Variants in CDCA2 observed in about 807,000 individuals in gnomAD.
The protein encoded by CDCA2 is cell division cycle associated 2.
Under a neutral mutation model 67.0 loss-of-function variants are expected in CDCA2, and 44 were observed. The ratio of observed to expected loss-of-function variants is 0.66; its 90% CI spans 0.52 to 0.84. CDCA2 has a LOEUF of 0.84. CDCA2 is among the 40% of genes least tolerant of loss of function. The pLI is 0.00. For missense variants in CDCA2, 1,253 were observed against 1,203.2 expected (o/e 1.04, Z -0.61); for synonymous variants, 447 against 418.7 (o/e 1.07, Z -0.82).
intron 10 of CDCA2, among the ~76,000 whole-genome samples, chr8:25,485,436 G>A (rs1011839969): frequency 1.3e-5 from 2 of 151,922 alleles, no homozygotes; most frequent in African/African-American, 4.8e-5. Flanking sequence ...TTGTGTTTAT[G>A]AATGAATTTT....
Position 25,484,038 on chromosome 8 carries a change from A to C in CDCA2, c.1193A>C (p.Asp398Ala). 1.9e-6 allele frequency: 3 copies of C among 1,614,168 alleles called. No individual in the cohort carries two copies. The highest frequency in any genetic ancestry group is 2.5e-6 in the Non-Finnish European group (3 of 1,180,028). Reference protein sequence around the residue: ...RKRKRVTFGEDLSPEVFDESL... With the variant: ...RKRKRVTFGEALSPEVFDESL... ...AGGAAGAGAGTTACTTTTGGAGAGG[A>C]CTTAAGCCCGGAAGTGTTTGATGAA... Residue 398 changes from aspartate to alanine, a missense_variant, in exon 10 of 15, where the codon GAC (aspartate) becomes GCC (alanine). Physicochemically the swap from Asp to Ala is moderately radical, Grantham distance 126. Coordinates refer to ENST00000330560, the MANE Select transcript of CDCA2 (RefSeq NM_152562.4).
chr8:25,506,543 T>C lies in CDCA2; in HGVS notation c.1877T>C (p.Val626Ala). 2 of 1,587,856 alleles carry C rather than the reference T, an allele frequency of 1.3e-6. No individual in the cohort carries two copies. The highest frequency in any genetic ancestry group is 1.7e-6 in the Non-Finnish European group (2 of 1,172,430). Residue 626 changes from valine (V) to alanine (A), a missense_variant, in exon 15 of 15, where the codon GTG (valine) becomes GCG (alanine). Val to Ala is a moderately conservative substitution (Grantham distance 64, BLOSUM62 0). Transcript: ENST00000330560. Reference protein sequence around the residue: ...YFSSNGKLEEVKTPKNPVKRK... With the variant: ...YFSSNGKLEEAKTPKNPVKRK... The stretch of plus-strand genomic sequence containing the variant: ...AGTTCAAATGGCAAACTGGAAGAAG[T>C]GAAGACTCCTAAAAATCCAGTGAAA...
At chr8:25,506,389 G>A in intron 14 of CDCA2, 121 bp from the exon 15 acceptor site, 1 of 820,940 alleles carries the variant, frequency 1.2e-6, no homozygotes. Flanking sequence ...TGTAACATTT[G>A]TGGGTCTTGT....
Position 25,506,816 on chromosome 8 carries a change from T to A in CDCA2, c.2150T>A (p.Val717Glu), listed in dbSNP as rs1228199290. 6.2e-7 allele frequency: 1 copy of A among 1,614,092 alleles called. No individual in the cohort carries two copies. The highest frequency in any genetic ancestry group is 8.5e-7 in the Non-Finnish European group (1 of 1,180,020). ...GTDSPVSCAS[V>E]TEERVASDSP... ...GACAGTCCTGTTTCTTGTGCTTCTG[T>A]AACTGAAGAACGTGTGGCATCAGAT... Residue 717 changes from valine to glutamate, a missense_variant, in exon 15 of 15, where the codon GTA (valine) becomes GAA (glutamate). Val to Glu is a moderately radical substitution (Grantham distance 121). Coordinates refer to ENST00000330560, the MANE Select transcript of CDCA2 (RefSeq NM_152562.4).
chr8:25,506,878 G>T lies in CDCA2; in HGVS notation c.2212G>T (p.Glu738Ter), dbSNP rs1293914434. Residue 738 changes from glutamate (E) to a stop codon, truncating the protein, a stop_gained, in exon 15 of 15, where the codon GAA becomes TAA. Transcript: ENST00000330560. LOFTEE classifies it low-confidence loss of function (END_TRUNC). ...KPALTLQQGQ[E>*]FSAGGQNAEN... is the part of the protein sequence containing the mutation. ...TGCTCTGACCCTGCAGCAGGGTCAA[G>T]AATTTTCTGCTGGTGGTCAAAATGC... 3 of 1,611,510 alleles carry T rather than the reference G, an allele frequency of 1.9e-6. No individual in the cohort carries two copies. Among genetic ancestry groups the T allele is most frequent in the Admixed American group, 1.7e-5 (1 of 59,582 alleles).
intron 13 of CDCA2, among the ~76,000 whole-genome samples, chr8:25,499,366 C>G (rs1025303077): frequency 3.6e-5 from 5 of 137,328 alleles, no homozygotes; most frequent in Admixed American, 3.2e-4. Context: ...TGCAGTGGCT[C>G]GATCTCAGCT....
At chr8:25,495,531 C>T (rs7839957) in intron 13 of CDCA2, among the ~76,000 whole-genome samples, 56,996 of 151,734 alleles carry the variant, frequency 0.38, 11,190 homozygotes, top group African/African-American at 0.5. Flanking sequence ...TCTCCTGCCT[C>T]GGCCTCCCGA....
intron 6 of CDCA2, among the ~76,000 whole-genome samples, chr8:25,469,657 G>A (rs1803071778): frequency 1.0e-5 from 1 of 95,452 alleles, no homozygotes; most frequent in African/African-American, 3.6e-5. Context: ...GGGATGTTTA[G>A]GATGCAGTTA....
chr8:25,463,562 A>T (rs1405749697), intron 4 of CDCA2, among the ~76,000 whole-genome samples: 1 of 152,150 alleles, frequency 6.6e-6, no homozygotes, highest in African/African-American at 2.4e-5. Flanking sequence ...CATTTACTAT[A>T]GACTTTGTAT....
rs530324240 is a variant in CDCA2, at chr8:25,484,360, T to C, written c.1365+150T>C. 16 of 1,137,692 alleles carry C rather than the reference T, an allele frequency of 1.4e-5. No individual in the cohort carries two copies. The African/African-American group carries it at 2.2e-4, about 15-fold the overall frequency. The allele number at this position is 1,137,692 out of a possible 1,614,324, so 70.5% of individuals were successfully genotyped here. ...TTAATCTATTTTGTATGTAGGTTTT[T>C]ATGAGTTTTTGCCCATTACAAATAA... On this transcript the variant is annotated intron_variant, in intron 10 of 14. Transcript: ENST00000330560.
intron 14 of CDCA2, among the ~76,000 whole-genome samples, chr8:25,505,952 T>C (rs748944863): frequency 5.3e-4 from 81 of 152,172 alleles, no homozygotes; most frequent in Non-Finnish European, 9.1e-4. Flanking sequence ...ATTTTTATAA[T>C]ATTGAAACAA....
chr8:25,460,335 G>T, intron 2 of CDCA2, 35 bp downstream of exon 2: 4 of 1,614,076 alleles, frequency 2.5e-6, no homozygotes, highest in Non-Finnish European at 3.4e-6. Flanking sequence ...GAAGTTGAAG[G>T]TTTAGACAGA....
At chr8:25,481,550 C>T (rs1352841319) in intron 8 of CDCA2, among the ~76,000 whole-genome samples, 10 of 151,944 alleles carry the variant, frequency 6.6e-5, no homozygotes, top group African/African-American at 1.9e-4. Context: ...ATTAGCCGGG[C>T]GTAGTGGCGG....
At chr8:25,505,256 C>A (rs1298595462) in intron 14 of CDCA2, among the ~76,000 whole-genome samples, 2 of 152,144 alleles carry the variant, frequency 1.3e-5, no homozygotes, top group Non-Finnish European at 2.9e-5. Context: ...GCCTGGAGTG[C>A]AGTGGCTCAA....
intron 13 of CDCA2, among the ~76,000 whole-genome samples, chr8:25,497,507 A>AC (rs1289617734): frequency 4.5e-5 from 4 of 88,442 alleles, no homozygotes; most frequent in Admixed American, 1.3e-4. Context: ...AATAAAAAAT[A>AC]AAAAAAAAAA....
At chr8:25,469,591 A>G (rs1022228299) in intron 6 of CDCA2, among the ~76,000 whole-genome samples, 4 of 152,240 alleles carry the variant, frequency 2.6e-5, no homozygotes, top group Non-Finnish European at 5.9e-5. Context: ...TATCTAGGCT[A>G]TAACAACAAA....
At chr8:25,505,480 C>G (rs991947974) in intron 14 of CDCA2, among the ~76,000 whole-genome samples, 1 of 152,162 alleles carries the variant, frequency 6.6e-6, no homozygotes, top group African/African-American at 2.4e-5. Context: ...GGATTACAGG[C>G]GTGAGCCACT....
chr8:25,489,260 A>G (rs1188009605), intron 13 of CDCA2, among the ~76,000 whole-genome samples: 3 of 152,218 alleles, frequency 2.0e-5, no homozygotes, highest in Middle Eastern at 3.4e-3. Flanking sequence ...TCTTGCTGCC[A>G]TTCTTACAAC....
intron 7 of CDCA2, among the ~76,000 whole-genome samples, chr8:25,478,094 T>C (rs892162181): frequency 6.9e-6 from 1 of 144,850 alleles, no homozygotes; most frequent in Non-Finnish European, 1.5e-5. Flanking sequence ...GCCCAGCTAA[T>C]TTTTTTTTTT....
Sources: allele counts gnomAD v4.1 joint callset (sites outside exome capture counted in the v4.1 genomes callset), GRCh38; gene constraint gnomAD v4.1.1; transcripts MANE v1.5; gene names NCBI Gene and HGNC (gene_info 2026-07-23, HGNC 2026-07-21).